Variants in RBMS3 observed in about 807,000 individuals in gnomAD.
RBMS3 encodes the protein RNA-binding motif, single-stranded-interacting protein 3.
Under a neutral mutation model 66.8 loss-of-function variants are expected in RBMS3, and 27 were observed. The ratio of observed to expected loss-of-function variants is 0.40; its 90% CI spans 0.30 to 0.56. The LOEUF (loss-of-function observed/expected upper bound fraction) is 0.56. Ranked by LOEUF, RBMS3 falls within the 20% of genes least tolerant of loss-of-function variation. The probability of loss-of-function intolerance (pLI) is 0.40; values close to 1 mark genes in which losing one functional copy is unlikely to be tolerated. For synonymous variants in RBMS3, 188 were observed against 183.0 expected (o/e 1.03, Z -0.22); for missense variants, 513 against 549.5 (o/e 0.93, Z 0.66).
intron 6 of RBMS3, among the ~76,000 whole-genome samples, chr3:29,819,762 A>G (rs369089476): frequency 4.6e-4 from 70 of 152,296 alleles, no homozygotes; most frequent in African/African-American, 1.6e-3. Flanking sequence ...CAGATTTTCT[A>G]TGTCTAAATT....
At chr3:29,349,599 G>A (rs2036783463) in intron 1 of RBMS3, among the ~76,000 whole-genome samples, 1 of 152,100 alleles carries the variant, frequency 6.6e-6, no homozygotes, top group Non-Finnish European at 1.5e-5. Context: ...CTTCTTCCTG[G>A]TTTCATTGGT....
At chr3:29,588,328 G>C (rs2047605377) in intron 4 of RBMS3, among the ~76,000 whole-genome samples, 1 of 152,030 alleles carries the variant, frequency 6.6e-6, no homozygotes. Flanking sequence ...CTGATCTAAT[G>C]TATTCATGCT....
intron 4 of RBMS3, among the ~76,000 whole-genome samples, chr3:29,725,889 T>A (rs1486861921): frequency 6.6e-6 from 1 of 152,110 alleles, no homozygotes; most frequent in Non-Finnish European, 1.5e-5. Context: ...TAACAAAACC[T>A]GGCAGAGACA....
At chr3:29,554,798 G>T (rs1292898646) in intron 3 of RBMS3, among the ~76,000 whole-genome samples, 4 of 152,226 alleles carry the variant, frequency 2.6e-5, no homozygotes, top group African/African-American at 9.6e-5. Context: ...ATGAAGAGGT[G>T]ACAGGAAAGA....
intron 14 of RBMS3, among the ~76,000 whole-genome samples, chr3:29,998,488 AG>A (rs1478233085): frequency 6.6e-6 from 1 of 152,218 alleles, no homozygotes; most frequent in African/African-American, 2.4e-5. Context: ...ACAAAGCTGG[AG>A]GCATCACGCT....
At chr3:29,363,868 A>G (rs1047677117) in intron 1 of RBMS3, among the ~76,000 whole-genome samples, 6 of 151,970 alleles carry the variant, frequency 3.9e-5, no homozygotes, top group African/African-American at 1.5e-4. Flanking sequence ...AATTGATAAA[A>G]ATTTTTTTTT....
chr3:29,619,334 A>G (rs1157645582), intron 4 of RBMS3, among the ~76,000 whole-genome samples: 1 of 152,200 alleles, frequency 6.6e-6, no homozygotes, highest in Non-Finnish European at 1.5e-5. Flanking sequence ...AATGCAAACA[A>G]AGAAAAACTC....
chr3:29,670,477 G>A (rs1300731883), intron 4 of RBMS3, among the ~76,000 whole-genome samples: 1 of 152,108 alleles, frequency 6.6e-6, no homozygotes, highest in Admixed American at 6.5e-5. Flanking sequence ...GAATCACAAG[G>A]GGTCAGGGAA....
chr3:29,930,069 C>T (rs1417981368), intron 10 of RBMS3, among the ~76,000 whole-genome samples: 1 of 144,950 alleles, frequency 6.9e-6, no homozygotes, highest in Admixed American at 7.0e-5. Flanking sequence ...TTGTCGGGAA[C>T]AGACTGTAGA....
rs914393767 is a variant in RBMS3, at chr3:29,990,471, A to C, written c.1180-611A>C. Among the ~76,000 whole-genome samples, 130 of 150,414 alleles carry C rather than the reference A, an allele frequency of 8.6e-4. 1 individual carries two copies. The highest frequency in any genetic ancestry group is 3.4e-3 in the Middle Eastern group (1 of 292). ...GCATCTGTGAGAAACAAAAAAAAAA[A>C]AAAAAAAAAAAATAGGGTGAAGGAA... On this transcript the variant is annotated intron_variant, in intron 13 of 14. Transcript: ENST00000383767.
intron 2 of RBMS3, among the ~76,000 whole-genome samples, chr3:29,454,291 C>G (rs547852791): frequency 1.2e-4 from 19 of 152,146 alleles, no homozygotes; most frequent in Non-Finnish European, 2.4e-4. Flanking sequence ...GCACTCATCC[C>G]TCTTCTTTTG....
intron 4 of RBMS3, among the ~76,000 whole-genome samples, chr3:29,701,682 C>T (rs923301254): frequency 7.2e-5 from 11 of 152,096 alleles, no homozygotes; most frequent in South Asian, 6.2e-4. Flanking sequence ...GGCTGGCCGG[C>T]GCCACCGGCC....
rs537757504 is a variant in RBMS3, at chr3:29,562,123, T to G, written c.308-24991T>G. Among the ~76,000 whole-genome samples the G allele has an allele frequency of 1.8e-3, 279 of 152,264 alleles. 2 individuals carry two copies. Among genetic ancestry groups the G allele is most frequent in the African/African-American group, 6.5e-3 (271 of 41,552 alleles). On this transcript the variant is annotated intron_variant, in intron 3 of 14. Transcript: ENST00000383767. ...ATTCTAATTTTCAGAGCTGGAAGCC[T>G]TAGAATATTAGAAATCCAAGATTTT...
intron 1 of RBMS3, among the ~76,000 whole-genome samples, chr3:29,306,524 C>A (rs1302717772): frequency 1.3e-5 from 2 of 151,872 alleles, no homozygotes; most frequent in Non-Finnish European, 2.9e-5. Context: ...CCTTAATTCA[C>A]AGAAAGTAAG....
chr3:29,334,183 A>G (rs921005573), intron 1 of RBMS3, among the ~76,000 whole-genome samples: 3 of 152,198 alleles, frequency 2.0e-5, no homozygotes, highest in Non-Finnish European at 4.4e-5. Flanking sequence ...CAGTAAAGTC[A>G]TAGTTGTTGC....
intron 1 of RBMS3, among the ~76,000 whole-genome samples, chr3:29,353,761 C>T (rs1405245520): frequency 6.6e-6 from 1 of 152,064 alleles, no homozygotes; most frequent in Non-Finnish European, 1.5e-5. Flanking sequence ...TACCAAGGGG[C>T]ATATGGACTT....
intron 6 of RBMS3, among the ~76,000 whole-genome samples, chr3:29,780,461 A>G (rs2056591561): frequency 6.6e-6 from 1 of 152,118 alleles, no homozygotes; most frequent in Non-Finnish European, 1.5e-5. Flanking sequence ...CTTAAAAATA[A>G]TAGTTTACTT....
At position 29,752,634 on chromosome 3, in the gene RBMS3, A is replaced by C. The variant is rs1231817599; in HGVS notation, c.558-10276A>C. Among the ~76,000 whole-genome samples the C allele has an allele frequency of 2.0e-5, 3 of 152,330 alleles. No homozygotes were observed. The East Asian group carries it at 5.8e-4, about 29-fold the overall frequency. On this transcript the variant is annotated intron_variant, in intron 5 of 14. Transcript: ENST00000383767. ...ACATGCCACATTTAAACATATAGACATACAGGACACATAGAAGCAAATTTT... is the reference window on the plus strand; with the variant it reads ...ACATGCCACATTTAAACATATAGACCTACAGGACACATAGAAGCAAATTTT...
chr3:29,483,393 G>A (rs865813568), intron 2 of RBMS3, among the ~76,000 whole-genome samples: 2 of 151,854 alleles, frequency 1.3e-5, no homozygotes, highest in African/African-American at 4.8e-5. Flanking sequence ...CACATTCTTT[G>A]CTGTTTGTGT....
Sources: gnomAD v4.1 joint callset for allele counts (sites outside exome capture counted in the v4.1 genomes callset) on GRCh38, gnomAD v4.1.1 for gene constraint, MANE v1.5 for transcripts, NCBI Gene and HGNC (gene_info 2026-07-23, HGNC 2026-07-21) for gene names.